SH3TC2: variants seen among roughly 807,000 people sequenced by gnomAD.
The protein encoded by SH3TC2 is SH3 domain and tetratricopeptide repeats 2, also known as SH3 domain and tetratricopeptide repeat-containing protein 2.
In SH3TC2, 87 loss-of-function variants were observed where a neutral mutation model predicts 124.5. The observed-to-expected ratio is 0.70, with a 90% CI of 0.59 to 0.84. The LOEUF is 0.84. SH3TC2 is among the 40% of genes least tolerant of loss of function. The pLI, the probability that SH3TC2 is intolerant of heterozygous loss-of-function variation, is 0.00. For synonymous variants in SH3TC2, 634 were observed against 628.5 expected (o/e 1.01, Z -0.13); for missense variants, 1,536 against 1,566.4 (o/e 0.98, Z 0.33).
chr5:149,016,761 T>C (rs1412074143), intron 12 of SH3TC2, among the ~76,000 whole-genome samples: 3 of 151,716 alleles, frequency 2.0e-5, no homozygotes, highest in African/African-American at 7.3e-5. Context: ...CCGTCTCTAC[T>C]AAAAATACAA....
At position 149,006,951 on chromosome 5, in the gene SH3TC2, C is replaced by T; in HGVS notation, c.3605G>A (p.Ser1202Asn). ...TLSLCPPWLQ[S>N]PKEALYYAKV... ...GGCATAGTACAGGGCCTCCTTGGGA[C>T]TCTGCAGCCATGGTGGACAGAGGGA... The change falls in exon 16 of 17, where the codon AGT becomes AAT. Residue 1202 changes from serine to asparagine, a missense_variant. Ser to Asn is a conservative substitution (Grantham distance 46). This residue lies in a region of SH3TC2 where 426 missense variants were observed against 443.5 expected (regional missense o/e 0.96). Transcript: ENST00000515425. 1.2e-6 allele frequency: 2 copies of T among 1,614,124 alleles called. No homozygotes were observed. The highest frequency in any genetic ancestry group is 1.7e-6 in the Non-Finnish European group (2 of 1,180,020).
At chr5:149,030,943 C>T (rs10074456) in intron 9 of SH3TC2, among the ~76,000 whole-genome samples, 1 of 152,154 alleles carries the variant, frequency 6.6e-6, no homozygotes, top group East Asian at 1.9e-4. Context: ...TCAGACACTG[C>T]TCAAAACCAG....
At chr5:149,047,786 G>A (rs1306467348) in intron 3 of SH3TC2, 76 bp downstream of exon 3, 5 of 1,591,836 alleles carry the variant, frequency 3.1e-6, no homozygotes, top group African/African-American at 2.7e-5. Context: ...TCCAGATGCT[G>A]TCTTAGATGC....
At chr5:149,059,869 G>T (rs1012105181) in intron 1 of SH3TC2, among the ~76,000 whole-genome samples, 2 of 152,126 alleles carry the variant, frequency 1.3e-5, no homozygotes, top group Non-Finnish European at 2.9e-5. Flanking sequence ...TCTTCAAAAA[G>T]TAAGAGAAAG....
chr5:149,027,337 A>G lies in SH3TC2; in HGVS notation c.2395T>C (p.Ser799Pro), dbSNP rs1754085038. ...AGATAGGCCCATGCCAGGCAGAGAG[A>G]AGACTCAAAGGATTCCTGCTCACCC... ...LLGEQESFES[S>P]LCLAWAYLLA... The change falls in exon 11 of 17, where the codon TCT becomes CCT. Residue 799 changes from serine to proline, a missense_variant. Ser to Pro is a moderately conservative substitution (Grantham distance 74). This residue lies in a region of SH3TC2 where 1,102 missense variants were observed against 1,098.6 expected (regional missense o/e 1.00). Transcript: ENST00000515425. 6.2e-7 allele frequency: 1 copy of G among 1,613,874 alleles called. No homozygotes were observed. Among genetic ancestry groups the G allele is most frequent in the South Asian group, 1.1e-5 (1 of 91,088 alleles).
chr5:149,042,670 T>C (rs1754391233), intron 5 of SH3TC2, 24 bp downstream of exon 5: 1 of 1,613,918 alleles, frequency 6.2e-7, no homozygotes, highest in Non-Finnish European at 8.5e-7. Context: ...TAAGATCCCA[T>C]CTCTACCCCT....
At chr5:149,043,849 C>T (rs554371434) in intron 4 of SH3TC2, 1 of 153,144 alleles carries the variant, frequency 6.5e-6, no homozygotes, top group South Asian at 2.1e-4. Context: ...AAAATCTGTC[C>T]TTGTGTATGT....
intron 9 of SH3TC2, 131 bp downstream of exon 9, chr5:149,031,423 A>G (rs1754191120): frequency 1.7e-6 from 2 of 1,210,894 alleles, no homozygotes; most frequent in Non-Finnish European, 2.4e-6. Context: ...GGTCGTCAAC[A>G]GAATAGTGGT....
In SH3TC2 at chr5:148,990,282, A is replaced by C. The variant is rs577465518; in HGVS notation, c.*14429T>G. 1.6e-4 allele frequency among the ~76,000 whole-genome samples: 24 copies of C among 151,548 alleles called. No individual in the cohort carries two copies. The highest frequency in any genetic ancestry group is 1.0e-3 in the South Asian group (5 of 4,822). On this transcript the variant is annotated 3_prime_UTR_variant, in exon 17 of 17. Coordinates refer to ENST00000515425, the MANE Select transcript of SH3TC2 (RefSeq NM_024577.4). The stretch of plus-strand genomic sequence containing the variant: ...AAGATGACAAACTGTTCCTCTTTAG[A>C]AGTACAGATATATGCCTCTCTGAGC...
At position 148,988,009 on chromosome 5, in the gene SH3TC2, C is replaced by A. The variant is rs535243744; in HGVS notation, c.*16702G>T. Among the ~76,000 whole-genome samples, 18 of 152,286 alleles carry A rather than the reference C, an allele frequency of 1.2e-4. No individual in the cohort carries two copies. Among genetic ancestry groups the A allele is most frequent in the African/African-American group, 4.3e-4 (18 of 41,548 alleles). On this transcript the variant is annotated 3_prime_UTR_variant, in exon 17 of 17. Coordinates refer to ENST00000515425, the MANE Select transcript of SH3TC2 (RefSeq NM_024577.4). ...TGCCGAGAATGCTGTTGCACCTCCT[C>A]TGGCCAAGGACAGAGAGTCATATCA...
intron 1 of SH3TC2, among the ~76,000 whole-genome samples, chr5:149,054,390 G>T (rs1456363014): frequency 6.6e-6 from 1 of 152,074 alleles, no homozygotes; most frequent in Admixed American, 6.5e-5. Context: ...TATGGATATT[G>T]ATAAAATGCT....
Position 149,057,329 on chromosome 5 carries a change from CT to C in SH3TC2, c.53-5090del, listed in dbSNP as rs1039060102. On this transcript the variant is annotated intron_variant, in intron 1 of 16. Coordinates refer to ENST00000515425, the MANE Select transcript of SH3TC2 (RefSeq NM_024577.4). Reference sequence around the variant, plus strand: ...CTTTCATTGGGAACATTTCCATACGCTTTTTTTATGACTTTTTTTTTCTCTG... The same window carrying C: ...CTTTCATTGGGAACATTTCCATACGCTTTTTTATGACTTTTTTTTTCTCTG... Among the ~76,000 whole-genome samples the C allele has an allele frequency of 7.2e-5, 11 of 152,128 alleles. No individual in the cohort carries two copies. The East Asian group carries it at 1.2e-3, about 16-fold the overall frequency.
chr5:149,012,646 G>T lies in SH3TC2; in HGVS notation c.3142C>A (p.Leu1048Ile). The T allele has an allele frequency of 6.2e-7, 1 of 1,614,164 alleles. No individual in the cohort carries two copies. The highest frequency in any genetic ancestry group is 8.5e-7 in the Non-Finnish European group (1 of 1,180,032). Residue 1048 changes from leucine (L) to isoleucine (I), a missense_variant, in exon 13 of 17, where the codon CTT becomes ATT. Physicochemically the swap from Leu to Ile is conservative, Grantham distance 5. This residue lies in a region of SH3TC2 where 426 missense variants were observed against 443.5 expected (regional missense o/e 0.96). Coordinates refer to ENST00000515425, the MANE Select transcript of SH3TC2 (RefSeq NM_024577.4). ...GETDKAAEAW[L>I]GAGRLHYLMQ... ...AGGTAGTGGAGTCGCCCCGCCCCAA[G>T]CCAGGCCTCAGCAGCCTTGTCTGTC...
intron 15 of SH3TC2, chr5:149,007,381 C>A (rs944062422): frequency 1.7e-6 from 1 of 584,814 alleles, no homozygotes; most frequent in Non-Finnish European, 3.0e-6. Flanking sequence ...GAGTGATTCC[C>A]AGAAGAAAAT....
At chr5:149,047,486 G>A (rs1216819476) in intron 3 of SH3TC2, 4 of 295,966 alleles carry the variant, frequency 1.4e-5, no homozygotes, top group East Asian at 8.3e-5. Context: ...TTTATGTTAT[G>A]TATATTGTAT....
chr5:149,035,761 C>T (rs1754273763), intron 8 of SH3TC2: 1 of 152,220 alleles, frequency 6.6e-6, no homozygotes, highest in South Asian at 2.1e-4. Context: ...CCACCTCACA[C>T]AGCACAGAGG....
rs747153572 is a variant in SH3TC2 at position 149,000,754 on chromosome 5, C to T, written c.*3957G>A. On this transcript the variant is annotated 3_prime_UTR_variant, in exon 17 of 17. Coordinates refer to ENST00000515425, the MANE Select transcript of SH3TC2 (RefSeq NM_024577.4). ...AGTCATGAGACCCCCGCCTCAAGTA[C>T]CACTGTCTTTGCCACTAACTACCAA... Among the ~76,000 whole-genome samples, 11 of 152,196 alleles carry T rather than the reference C, an allele frequency of 7.2e-5. No individual in the cohort carries two copies. The highest frequency in any genetic ancestry group is 2.1e-4 in the South Asian group (1 of 4,832).
chr5:149,010,897 C>G (rs546037944), intron 13 of SH3TC2, among the ~76,000 whole-genome samples: 8 of 152,332 alleles, frequency 5.3e-5, no homozygotes, highest in African/African-American at 1.9e-4. Context: ...ACATCTTACA[C>G]TTTCCAGATG....
intron 1 of SH3TC2, among the ~76,000 whole-genome samples, chr5:149,053,870 G>C (rs1754598696): frequency 6.6e-6 from 1 of 152,154 alleles, no homozygotes. Context: ...ATAAAGAGTA[G>C]AATGATGGTT....
Sources: gnomAD v4.1 joint callset for allele counts (sites outside exome capture counted in the v4.1 genomes callset) on GRCh38, gnomAD v4.1.1 for gene constraint, gnomAD v4.1.1 regional missense constraint, MANE v1.5 for transcripts, NCBI Gene and HGNC (gene_info 2026-07-23, HGNC 2026-07-21) for gene names.